GRAMD2B: variants seen among roughly 807,000 people sequenced by gnomAD.
The protein encoded by GRAMD2B is GRAM domain containing 2B.
In GRAMD2B, 41 loss-of-function variants were observed where a neutral mutation model predicts 59.2. That is an observed-to-expected ratio of 0.69 (90% CI 0.54 to 0.90). The LOEUF (loss-of-function observed/expected upper bound fraction) is 0.90, where lower values mean the gene tolerates loss of function less well. Ranked by LOEUF, GRAMD2B falls within the 40% of genes least tolerant of loss-of-function variation. The pLI is 0.00. For missense variants in GRAMD2B, 424 were observed against 500.5 expected, an observed-to-expected ratio of 0.85 and a Z score of 1.46; for synonymous variants, 161 against 182.7, an observed-to-expected ratio of 0.88 and a Z score of 0.96.
chr5:126,427,424 A>C (rs1247573676), intron 1 of GRAMD2B, among the ~76,000 whole-genome samples: 1 of 152,222 alleles, frequency 6.6e-6, no homozygotes, highest in Non-Finnish European at 1.5e-5. Flanking sequence ...ATCTTGATTC[A>C]TGTTTCAAAT....
intron 1 of GRAMD2B, chr5:126,433,964 T>A (rs1761997709): frequency 1.3e-5 from 2 of 152,248 alleles, no homozygotes; most frequent in Non-Finnish European, 2.9e-5. Context: ...CAAATCTTCT[T>A]CTTTTGAGAG....
rs1386337887 is a variant in GRAMD2B, at chr5:126,423,504, G to A, written c.-103G>A. 3 of 1,532,474 alleles carry A rather than the reference G, an allele frequency of 2.0e-6. No homozygotes were observed. The Admixed American group carries it at 6.6e-5, about 34-fold the overall frequency. 94.9% of individuals were successfully genotyped at this position (1,532,474 alleles called of 1,614,324 possible). A position where few individuals can be genotyped will look rare whatever the true frequency, so the allele number is the denominator to read the frequency against. On this transcript the variant is annotated 5_prime_UTR_variant, in exon 1 of 14. Coordinates refer to ENST00000285689, the MANE Select transcript of GRAMD2B (RefSeq NM_023927.4). ...GGGCGGAGGGTGCAGGGGAGGGCAC[G>A]GCGCCGCTTGCTTGGCCTGCGCACC...
chr5:126,464,134 G>T (rs186191810), intron 1 of GRAMD2B, among the ~76,000 whole-genome samples: 5 of 152,218 alleles, frequency 3.3e-5, no homozygotes, highest in Non-Finnish European at 7.4e-5. Context: ...TCCTCGCCTA[G>T]GCTGCAATTT....
chr5:126,470,380 T>C (rs1769316694), intron 3 of GRAMD2B, among the ~76,000 whole-genome samples: 1 of 152,154 alleles, frequency 6.6e-6, no homozygotes, highest in South Asian at 2.1e-4. Flanking sequence ...TCCTAAGAGC[T>C]AAACCAAAAA....
intron 1 of GRAMD2B, among the ~76,000 whole-genome samples, chr5:126,374,308 AC>A (rs1338707472): frequency 2.6e-5 from 4 of 152,190 alleles, no homozygotes; most frequent in African/African-American, 9.7e-5. Context: ...TATATGTTAA[AC>A]TAAGAGGAGA....
At chr5:126,368,168 G>A (rs1310391198), upstream of GRAMD2B, among the ~76,000 whole-genome samples, 2 of 152,132 alleles carry the variant, frequency 1.3e-5, no homozygotes, top group African/African-American at 4.8e-5. Context: ...CACTGTGCAT[G>A]TTCCTTTTAT....
At chr5:126,441,521 A>G (rs904885285) in intron 1 of GRAMD2B, among the ~76,000 whole-genome samples, 3 of 152,340 alleles carry the variant, frequency 2.0e-5, no homozygotes, top group South Asian at 2.1e-4. Context: ...CCTGAAAACT[A>G]TGCAGGTGCT....
intron 1 of GRAMD2B, among the ~76,000 whole-genome samples, chr5:126,417,508 T>C (rs1759362823): frequency 6.6e-6 from 1 of 152,172 alleles, no homozygotes; most frequent in African/African-American, 2.4e-5. Context: ...CTTAGCTGAG[T>C]CTTCAAATGA....
At chr5:126,363,497 T>G (rs901834362) in intron 1 of GRAMD2B, among the ~76,000 whole-genome samples, 1 of 152,182 alleles carries the variant, frequency 6.6e-6, no homozygotes, top group Non-Finnish European at 1.5e-5. Flanking sequence ...TAAAAACTTG[T>G]ACACAAATAT....
upstream of GRAMD2B, among the ~76,000 whole-genome samples, chr5:126,419,131 G>T (rs972679571): frequency 2.6e-5 from 4 of 152,216 alleles, no homozygotes; most frequent in South Asian, 6.2e-4. Context: ...TGTATTAGTC[G>T]ATTCTCACAC....
At chr5:126,477,586 G>T in intron 5 of GRAMD2B, 106 bp from the exon 6 acceptor site, 1 of 762,436 alleles carries the variant, frequency 1.3e-6, no homozygotes, top group South Asian at 1.5e-5. Flanking sequence ...CTTGCTGCTG[G>T]TTTTGATTTC....
At chr5:126,365,848 A>AAAAGC (rs1754416238) in intron 1 of GRAMD2B, among the ~76,000 whole-genome samples, 1 of 152,232 alleles carries the variant, frequency 6.6e-6, no homozygotes, top group Non-Finnish European at 1.5e-5. Flanking sequence ...AAATATAGTT[A>AAAAGC]AAAGCACTAA....
upstream of GRAMD2B, among the ~76,000 whole-genome samples, chr5:126,368,244 T>C (rs17154476): frequency 0.15 from 23,385 of 152,172 alleles, 2,199 homozygotes; most frequent in East Asian, 0.26. Context: ...TTGTTTTAAT[T>C]TGCACACACA....
intron 1 of GRAMD2B, among the ~76,000 whole-genome samples, chr5:126,463,373 G>A (rs537090938): frequency 3.3e-5 from 5 of 152,316 alleles, no homozygotes; most frequent in African/African-American, 1.2e-4. Flanking sequence ...ATCTGTTGAA[G>A]AAAAGAGATA....
chr5:126,454,141 A>G (rs908622890), intron 1 of GRAMD2B, among the ~76,000 whole-genome samples: 1 of 152,206 alleles, frequency 6.6e-6, no homozygotes, highest in Admixed American at 6.5e-5. Context: ...GACGACCAAC[A>G]TGGCTGGAAC....
chr5:126,483,845 T>C (rs771297762), intron 9 of GRAMD2B, among the ~76,000 whole-genome samples: 1 of 152,186 alleles, frequency 6.6e-6, no homozygotes, highest in Non-Finnish European at 1.5e-5. Flanking sequence ...GAAAAAAACA[T>C]ACAATTTTGT....
At chr5:126,458,870 G>A (rs765602400) in intron 1 of GRAMD2B, 7 of 152,184 alleles carry the variant, frequency 4.6e-5, no homozygotes, top group South Asian at 2.1e-4. Context: ...CAAACGGGTC[G>A]GTGTTTTCTT....
intron 1 of GRAMD2B, among the ~76,000 whole-genome samples, chr5:126,428,757 CAT>C (rs1193225002): frequency 6.6e-6 from 1 of 152,080 alleles, no homozygotes; most frequent in Non-Finnish European, 1.5e-5. Context: ...CAAAAGAAGA[CAT>C]ATATACAGCC....
upstream of GRAMD2B, among the ~76,000 whole-genome samples, chr5:126,420,664 G>C: frequency 6.6e-6 from 1 of 152,176 alleles, no homozygotes; most frequent in Non-Finnish European, 1.5e-5. Context: ...TGCATTAAAA[G>C]AGGGCTGACC....
Sources: allele counts gnomAD v4.1 joint callset (sites outside exome capture counted in the v4.1 genomes callset), GRCh38; gene constraint gnomAD v4.1.1; transcripts MANE v1.5; gene names NCBI Gene and HGNC (gene_info 2026-07-23, HGNC 2026-07-21).